Variants in NME9 observed in about 807,000 individuals in gnomAD.
The protein encoded by NME9 is thioredoxin domain-containing protein 6.
Under a neutral mutation model 44.4 loss-of-function variants are expected in NME9, and 48 were observed. The ratio of observed to expected loss-of-function variants is 1.08; its 90% CI spans 0.86 to 1.37. The LOEUF (loss-of-function observed/expected upper bound fraction) is 1.37. Among genes scored for constraint, NME9 ranks in the 40% most tolerant of loss-of-function variants. The probability of loss-of-function intolerance (pLI) is 0.00; values close to 1 mark genes in which losing one functional copy is unlikely to be tolerated. For missense variants in NME9, 325 were observed against 405.2 expected (o/e 0.80, Z 1.70); for synonymous variants, 139 against 147.1 (o/e 0.94, Z 0.40).
chr3:138,299,882 T>C (rs1049736840), downstream of NME9, among the ~76,000 whole-genome samples: 5 of 152,200 alleles, frequency 3.3e-5, no homozygotes, highest in African/African-American at 1.2e-4. Flanking sequence ...GCTTCCCAGA[T>C]TCTGGGGAGA....
chr3:138,269,904 C>A, intron 8 of NME9: 2 of 224,854 alleles, frequency 8.9e-6, no homozygotes, highest in Non-Finnish European at 8.7e-6. Context: ...ATGGCTACAT[C>A]ACTCCCTGCT....
chr3:138,314,290 T>A, intron 6 of NME9, 42 bp downstream of exon 6: 1 of 1,188,554 alleles, frequency 8.4e-7, no homozygotes. Flanking sequence ...AAAATCTGAG[T>A]CTGCTTTGCT....
intron 3 of NME9, among the ~76,000 whole-genome samples, chr3:138,318,514 C>A (rs538893771): frequency 6.6e-6 from 1 of 152,132 alleles, no homozygotes; most frequent in South Asian, 2.1e-4. Flanking sequence ...GACTGACAAC[C>A]GAGGTGAAGG....
intron 3 of NME9, 94 bp downstream of exon 3, chr3:138,319,384 A>G (rs1189813338): frequency 3.0e-5 from 21 of 707,658 alleles, no homozygotes; most frequent in Non-Finnish European, 5.0e-5. Flanking sequence ...ATGACCTGAG[A>G]AAGGTCACTC....
chr3:138,266,465 T>C (rs1163512836), intron 8 of NME9, among the ~76,000 whole-genome samples: 2 of 152,188 alleles, frequency 1.3e-5, no homozygotes, highest in Non-Finnish European at 2.9e-5. Context: ...ACCTATTTAG[T>C]TGTTGAGCCC....
intron 8 of NME9, among the ~76,000 whole-genome samples, chr3:138,267,639 G>C (rs377541526): frequency 1.3e-5 from 2 of 152,116 alleles, no homozygotes; most frequent in Admixed American, 6.5e-5. Context: ...TGCTGTCATT[G>C]GAAAATCATC....
intron 8 of NME9, among the ~76,000 whole-genome samples, chr3:138,279,520 T>A (rs2049662180): frequency 6.6e-6 from 1 of 152,188 alleles, no homozygotes; most frequent in South Asian, 2.1e-4. Context: ...AATAATGTCT[T>A]TTTCTGGTTT....
intron 2 of NME9, chr3:138,324,573 C>T (rs992050341): frequency 2.0e-6 from 1 of 501,770 alleles, no homozygotes; most frequent in Admixed American, 2.3e-5. Flanking sequence ...TGTATTCCTT[C>T]CAATGCATTC....
At chr3:138,276,380 T>C (rs188997994) in intron 8 of NME9, among the ~76,000 whole-genome samples, 10 of 152,352 alleles carry the variant, frequency 6.6e-5, no homozygotes, top group African/African-American at 1.7e-4. Flanking sequence ...GTAAAACATA[T>C]GTATCACTGC....
rs369744825 is a variant in NME9 at position 138,273,017 on chromosome 3, C to T, written c.746-10431G>A. 1.7e-5 allele frequency: 28 copies of T among 1,610,974 alleles called. No individual in the cohort carries two copies. In the East Asian group the frequency reaches 3.1e-4, roughly 18 times the overall value. Reference sequence around the variant, plus strand: ...AAATAAAAGCAGATATTTTACGAAGCTTGAGTACTGAACAGCTATTCCGGT... The same window carrying T: ...AAATAAAAGCAGATATTTTACGAAGTTTGAGTACTGAACAGCTATTCCGGT... On this transcript the variant is annotated intron_variant, in intron 8 of 8. Transcript: ENST00000317876.
At chr3:138,274,006 C>T (rs904292973) in intron 8 of NME9, among the ~76,000 whole-genome samples, 6 of 151,896 alleles carry the variant, frequency 4.0e-5, no homozygotes, top group Non-Finnish European at 7.4e-5. Context: ...GTAGTAGAGA[C>T]GGGGTTTTGC....
At chr3:138,275,955 A>G (rs1362541653) in intron 8 of NME9, among the ~76,000 whole-genome samples, 1 of 152,232 alleles carries the variant, frequency 6.6e-6, no homozygotes, top group Non-Finnish European at 1.5e-5. Flanking sequence ...ACAACAATGA[A>G]GAAAGTACAT....
intron 6 of NME9, among the ~76,000 whole-genome samples, chr3:138,307,395 A>G (rs1242223422): frequency 6.6e-6 from 1 of 152,186 alleles, no homozygotes; most frequent in Non-Finnish European, 1.5e-5. Flanking sequence ...TGAGTTATCT[A>G]CACTCTCCAC....
intron 8 of NME9, among the ~76,000 whole-genome samples, chr3:138,281,232 G>T (rs1243988647): frequency 6.6e-6 from 1 of 151,674 alleles, no homozygotes; most frequent in Non-Finnish European, 1.5e-5. Context: ...GTGTGTGTGT[G>T]TGTAGTTTTT....
At chr3:138,272,119 G>A in intron 8 of NME9, among the ~76,000 whole-genome samples, 1 of 152,174 alleles carries the variant, frequency 6.6e-6, no homozygotes. Context: ...AGCCACCCGG[G>A]ATTACTGGTA....
At chr3:138,325,410 T>G (rs1310527473) in intron 1 of NME9, among the ~76,000 whole-genome samples, 1 of 151,554 alleles carries the variant, frequency 6.6e-6, no homozygotes, top group East Asian at 1.9e-4. Flanking sequence ...TTTTTTTTTT[T>G]TGTTTTTTTT....
Position 138,301,639 on chromosome 3 carries a change from C to A in NME9, c.*1G>T. On this transcript the variant is annotated 3_prime_UTR_variant, in exon 11 of 11. Transcript: ENST00000333911. ...TGCTCTGGAAGAGCAGCACAGCCAT[C>A]TCAATCCACATCCTCAGGAAAGCAA... The A allele has an allele frequency of 6.5e-7, 1 of 1,536,190 alleles. No individual in the cohort carries two copies. The highest frequency in any genetic ancestry group is 8.7e-7 in the Non-Finnish European group (1 of 1,146,914).
downstream of NME9, chr3:138,296,342 AGATTTTCCAG>A (rs1190735606): frequency 2.0e-5 from 3 of 153,352 alleles, no homozygotes; most frequent in East Asian, 5.8e-4. Flanking sequence ...TCTTTTCTAC[AGATTTTCCAG>A]GGTTTAAGCA....
At chr3:138,328,329 TCCCAC>T (rs1045696589) in intron 1 of NME9, among the ~76,000 whole-genome samples, 6 of 141,516 alleles carry the variant, frequency 4.2e-5, no homozygotes, top group Admixed American at 7.1e-5. Flanking sequence ...AGTCTAAAAA[TCCCAC>T]CCCACCCCAC....
Sources: allele counts gnomAD v4.1 joint callset (sites outside exome capture counted in the v4.1 genomes callset), GRCh38; gene constraint gnomAD v4.1.1; transcripts MANE v1.5; gene names NCBI Gene and HGNC (gene_info 2026-07-23, HGNC 2026-07-21).